Variants in RNGTT observed in about 807,000 individuals in gnomAD.
RNGTT encodes mRNA-capping enzyme.
Under a neutral mutation model 79.3 loss-of-function variants are expected in RNGTT, and 33 were observed. The ratio of observed to expected loss-of-function variants is 0.42; its 90% CI spans 0.32 to 0.56. RNGTT has a LOEUF of 0.56. Among genes scored for constraint, RNGTT ranks in the 20% least tolerant of loss-of-function variants. The pLI is 0.17. For synonymous variants in RNGTT, 222 were observed against 235.9 expected, an observed-to-expected ratio of 0.94 and a Z score of 0.54; for missense variants, 497 against 739.1, an observed-to-expected ratio of 0.67 and a Z score of 3.80.
chr6:88,810,917 G>A (rs1264500329), intron 11 of RNGTT, among the ~76,000 whole-genome samples: 1 of 152,134 alleles, frequency 6.6e-6, no homozygotes, highest in Non-Finnish European at 1.5e-5. Flanking sequence ...ATGCTAATGG[G>A]ATATGAGGAC....
At chr6:88,941,940 C>A (rs978860936) in intron 1 of RNGTT, among the ~76,000 whole-genome samples, 2 of 152,126 alleles carry the variant, frequency 1.3e-5, no homozygotes, top group African/African-American at 4.8e-5. Context: ...CCTGCCTAAG[C>A]CTCCCAAGTA....
intron 11 of RNGTT, among the ~76,000 whole-genome samples, chr6:88,808,102 T>C (rs904846106): frequency 3.9e-5 from 6 of 152,146 alleles, no homozygotes; most frequent in Non-Finnish European, 8.8e-5. Context: ...ATAAAATCTG[T>C]ATCTAAACTG....
chr6:88,816,764 T>C (rs1780326436), intron 11 of RNGTT, among the ~76,000 whole-genome samples: 1 of 152,062 alleles, frequency 6.6e-6, no homozygotes, highest in Non-Finnish European at 1.5e-5. Context: ...TCTAATTATA[T>C]CTAGAGAAAG....
chr6:88,774,194 T>A (rs1352213160), intron 12 of RNGTT, among the ~76,000 whole-genome samples: 1 of 152,028 alleles, frequency 6.6e-6, no homozygotes, highest in African/African-American at 2.4e-5. Flanking sequence ...GATATACAAA[T>A]GGCCAATAAG....
At chr6:88,733,842 T>C (rs1777196977) in intron 13 of RNGTT, among the ~76,000 whole-genome samples, 1 of 151,246 alleles carries the variant, frequency 6.6e-6, no homozygotes. Flanking sequence ...CCCAACAACC[T>C]TGAATTCTGT....
At position 88,904,943 on chromosome 6, in the gene RNGTT, T is replaced by C. The variant is rs373471741; in HGVS notation, c.456A>G (p.Ala152=). The C allele has an allele frequency of 1.4e-4, 227 of 1,614,030 alleles. No individual in the cohort carries two copies. Among genetic ancestry groups the C allele is most frequent in the Non-Finnish European group, 1.9e-4 (224 of 1,180,006 alleles). The change falls in exon 6 of 16, where the codon GCA becomes GCG. Residue 152 remains alanine, a synonymous_variant. Coordinates refer to ENST00000369485, the MANE Select transcript of RNGTT (RefSeq NM_003800.5). ...GTCTGGCTTGGGCAAAAGTAGCAAC[T>C]GCTGCTTCGATACTATAGGAAACAA... The part of the protein sequence containing the change: ...VEKMDWSIEA[A]VATFAQARPP...
chr6:88,778,859 T>C lies in RNGTT; in HGVS notation c.1339-8985A>G, dbSNP rs1039160859. On this transcript the variant is annotated intron_variant, in intron 12 of 15. Coordinates refer to ENST00000369485, the MANE Select transcript of RNGTT (RefSeq NM_003800.5). Reference sequence around the variant, plus strand: ...ACATTATTTTCCCTCAAGTTTTGTATTGAAGCATGAGTAAGTATAAAATCA... The same window carrying C: ...ACATTATTTTCCCTCAAGTTTTGTACTGAAGCATGAGTAAGTATAAAATCA... Among the ~76,000 whole-genome samples, 6 of 152,310 alleles carry C rather than the reference T, an allele frequency of 3.9e-5. No individual in the cohort carries two copies. The South Asian group carries it at 6.2e-4, about 16-fold the overall frequency.
intron 8 of RNGTT, among the ~76,000 whole-genome samples, chr6:88,874,993 C>T (rs545027668): frequency 6.6e-6 from 1 of 152,050 alleles, no homozygotes; most frequent in Admixed American, 6.5e-5. Flanking sequence ...TTAAATTGTA[C>T]TTCATTTTCC....
chr6:88,829,872 G>A (rs990069479), intron 11 of RNGTT, among the ~76,000 whole-genome samples: 2 of 152,084 alleles, frequency 1.3e-5, no homozygotes, highest in African/African-American at 4.8e-5. Context: ...CAATACAGGA[G>A]CACCCAGATT....
At chr6:88,874,060 T>A (rs371606436) in intron 8 of RNGTT, among the ~76,000 whole-genome samples, 1 of 152,166 alleles carries the variant, frequency 6.6e-6, no homozygotes, top group African/African-American at 2.4e-5. Flanking sequence ...TTTAATTAGT[T>A]ACTTTCAGAT....
intron 1 of RNGTT, among the ~76,000 whole-genome samples, chr6:88,950,075 G>T (rs534494165): frequency 2.6e-5 from 4 of 152,166 alleles, no homozygotes; most frequent in Non-Finnish European, 5.9e-5. Flanking sequence ...TAAGAATTAT[G>T]CTAAATCTAC....
At chr6:88,898,780 G>A (rs951627066) in intron 6 of RNGTT, among the ~76,000 whole-genome samples, 6 of 148,688 alleles carry the variant, frequency 4.0e-5, no homozygotes, top group Non-Finnish European at 8.9e-5. Context: ...TAACCAAAAA[G>A]TACAGAGCAA....
At chr6:88,815,008 A>T (rs1490745108) in intron 11 of RNGTT, among the ~76,000 whole-genome samples, 1 of 152,180 alleles carries the variant, frequency 6.6e-6, no homozygotes, top group Non-Finnish European at 1.5e-5. Context: ...CCCAGGGGAT[A>T]TCCTCCTTGA....
chr6:88,656,519 G>A (rs991468773), intron 14 of RNGTT, among the ~76,000 whole-genome samples: 1 of 152,014 alleles, frequency 6.6e-6, no homozygotes, highest in Admixed American at 6.6e-5. Flanking sequence ...GAAAACTTGA[G>A]AGAACATTTT....
At chr6:88,833,197 G>A (rs1780936523) in intron 11 of RNGTT, among the ~76,000 whole-genome samples, 1 of 152,136 alleles carries the variant, frequency 6.6e-6, no homozygotes, top group Non-Finnish European at 1.5e-5. Context: ...ACGATAGACT[G>A]GATAAAGAAA....
intron 13 of RNGTT, among the ~76,000 whole-genome samples, chr6:88,687,321 C>T (rs765063116): frequency 3.3e-5 from 5 of 152,106 alleles, no homozygotes; most frequent in Non-Finnish European, 7.4e-5. Context: ...CAGACACTCT[C>T]GTATACTACT....
intron 12 of RNGTT, among the ~76,000 whole-genome samples, chr6:88,790,985 T>C (rs1180523343): frequency 6.6e-6 from 1 of 152,026 alleles, no homozygotes; most frequent in East Asian, 1.9e-4. Flanking sequence ...AGCTATAACT[T>C]TGGTGGGCTG....
At chr6:88,731,873 T>G (rs944030890) in intron 13 of RNGTT, among the ~76,000 whole-genome samples, 2 of 152,108 alleles carry the variant, frequency 1.3e-5, no homozygotes, top group Non-Finnish European at 1.5e-5. Context: ...TCAATTAACA[T>G]ATATTTTGTA....
intron 13 of RNGTT, among the ~76,000 whole-genome samples, chr6:88,706,842 A>T (rs1391056773): frequency 6.6e-6 from 1 of 151,804 alleles, no homozygotes; most frequent in Non-Finnish European, 1.5e-5. Flanking sequence ...TTTAAAAACC[A>T]GCAAGAACCT....
Sources: allele counts gnomAD v4.1 joint callset (sites outside exome capture counted in the v4.1 genomes callset), GRCh38; gene constraint gnomAD v4.1.1; transcripts MANE v1.5; gene names NCBI Gene and HGNC (gene_info 2026-07-23, HGNC 2026-07-21).